The following CALHM4 variants were observed in gnomAD, a reference collection of about 807,000 sequenced individuals.
The protein encoded by CALHM4 is calcium homeostasis modulator family member 4.
A neutral mutation model predicts 13.3 loss-of-function variants in CALHM4; 16 were observed. The ratio of observed to expected loss-of-function variants is 1.20; its 90% CI spans 0.81 to 1.82. The LOEUF (loss-of-function observed/expected upper bound fraction) is 1.82, where lower values mean the gene tolerates loss of function less well. Among genes scored for constraint, CALHM4 ranks in the 40% most tolerant of loss-of-function variants. CALHM4 has a pLI of 0.00. For synonymous variants in CALHM4, 127 were observed against 137.1 expected (o/e 0.93, Z 0.52); for missense variants, 344 against 374.9 (o/e 0.92, Z 0.68).
At position 116,540,541 on chromosome 6, in the gene CALHM4, G is replaced by T. The variant is rs143949942; in HGVS notation, c.-108-3224G>T. On this transcript the variant is annotated intron_variant, in intron 1 of 2. Transcript: ENST00000368597. ...TGTCAGTTTTTAAGAAGCGATTTGT[G>T]TGTTTAGCACTTGTGCAAGTGAATC... The T allele has an allele frequency of 2.2e-3, 3,086 of 1,401,992 alleles. 64 individuals are homozygous for T. The Admixed American group carries it at 0.027, about 12-fold the overall frequency. The allele number at this position is 1,401,992 out of a possible 1,614,324, so 86.8% of individuals were successfully genotyped here.
At chr6:116,549,080 T>A (rs1773935006), upstream of CALHM4, among the ~76,000 whole-genome samples, 2 of 152,148 alleles carry the variant, frequency 1.3e-5, no homozygotes, top group South Asian at 4.2e-4. Flanking sequence ...AGGTCAGGAG[T>A]TCGAGACCAC....
intron 1 of CALHM4, chr6:116,540,217 T>C (rs1773352647): frequency 4.0e-6 from 3 of 752,434 alleles, no homozygotes; most frequent in Admixed American, 2.9e-5. Flanking sequence ...TGTGCTGAAA[T>C]AAAATGCTTT....
intron 1 of CALHM4, 92 bp downstream of exon 1, chr6:116,554,443 C>A (rs1175271407): frequency 2.6e-5 from 29 of 1,098,022 alleles, no homozygotes; most frequent in Non-Finnish European, 3.5e-5. Flanking sequence ...TTCTTATATT[C>A]TCTGATTATA....
At position 116,560,227 on chromosome 6, in the gene CALHM4, C is replaced by A. The variant is rs1000493357; in HGVS notation, c.*2016C>A. Among the ~76,000 whole-genome samples the A allele has an allele frequency of 6.6e-6, 1 of 152,150 alleles. No individual in the cohort carries two copies. Among genetic ancestry groups the A allele is most frequent in the Non-Finnish European group, 1.5e-5 (1 of 68,016 alleles). On this transcript the variant is annotated 3_prime_UTR_variant, in exon 2 of 2. Coordinates refer to ENST00000368596, the MANE Select transcript of CALHM4 (RefSeq NM_001366078.2). ...ATACTAGTTAAATGAACACTTTCAA[C>A]CATGCTCAGAATTAGTTTATTAGTT...
At chr6:116,535,020 A>C (rs925295024) in intron 1 of CALHM4, among the ~76,000 whole-genome samples, 1 of 152,190 alleles carries the variant, frequency 6.6e-6, no homozygotes, top group Non-Finnish European at 1.5e-5. Flanking sequence ...TGAGAGCAAA[A>C]AGCTTCTCAA....
chr6:116,550,696 T>C (rs1774037908), upstream of CALHM4, among the ~76,000 whole-genome samples: 1 of 152,190 alleles, frequency 6.6e-6, no homozygotes, highest in Admixed American at 6.5e-5. Flanking sequence ...TCTTTGTATT[T>C]CCTCTTTTTT....
chr6:116,557,744 G>T, intron 1 of CALHM4, 81 bp from the exon 2 acceptor site: 1 of 1,482,714 alleles, frequency 6.7e-7, no homozygotes. Flanking sequence ...TAGGTTTGTA[G>T]GAATCCCCCC....
rs991842505 is a variant in CALHM4 at position 116,554,261 on chromosome 6, C to T, written c.468C>T (p.Ile156=). The change falls in exon 1 of 2, where the codon ATC becomes ATT. Residue 156 remains isoleucine (I), a synonymous_variant. Transcript: ENST00000368596. ...DNVSASKREE[I]LAGFPCCRSA... ...TCAGTGCCAGCAAACGAGAAGAGATCCTGGCTGGGTTTCCATGTTGCAGAT... is the reference window on the plus strand; with the variant it reads ...TCAGTGCCAGCAAACGAGAAGAGATTCTGGCTGGGTTTCCATGTTGCAGAT... 6.4e-7 allele frequency: 1 copy of T among 1,550,492 alleles called. No individual in the cohort carries two copies.
rs537349440 is a variant in CALHM4, at chr6:116,548,470, A to T, written c.-1+4598A>T. On this transcript the variant is annotated intron_variant, in intron 2 of 2. Transcript: ENST00000368597. ...GCAGATGAAGTGATTAGTTCTTTCA[A>T]CAGTAAGCAATAGTAAAACTTGGGA... Among the ~76,000 whole-genome samples the T allele has an allele frequency of 1.6e-4, 24 of 152,346 alleles. 1 individual carries two copies. In the South Asian group the frequency reaches 5.0e-3, roughly 32 times the overall value.
chr6:116,554,405 C>A, intron 1 of CALHM4, 54 bp downstream of exon 1: 2 of 1,345,866 alleles, frequency 1.5e-6, no homozygotes, highest in South Asian at 3.0e-5. Flanking sequence ...GAACTACAGT[C>A]AATGGAAACA....
exon 1 of CALHM4, chr6:116,529,187 C>A (rs757873774): frequency 6.6e-6 from 1 of 152,130 alleles, no homozygotes; most frequent in Non-Finnish European, 1.5e-5. Context: ...CAGCTCTGTG[C>A]GTGGTAAGGA....
intron 1 of CALHM4, among the ~76,000 whole-genome samples, chr6:116,555,278 G>A (rs1774260561): frequency 6.6e-6 from 1 of 152,066 alleles, no homozygotes; most frequent in South Asian, 2.1e-4. Flanking sequence ...GCTCAGAGGA[G>A]CTATGTAAAA....
At chr6:116,530,406 C>T (rs1772626723) in intron 1 of CALHM4, among the ~76,000 whole-genome samples, 1 of 152,050 alleles carries the variant, frequency 6.6e-6, no homozygotes, top group Non-Finnish European at 1.5e-5. Context: ...CTGAAAAAGA[C>T]TTAGAAAAAA....
chr6:116,534,240 G>C (rs1368983661), intron 1 of CALHM4, among the ~76,000 whole-genome samples: 1 of 152,118 alleles, frequency 6.6e-6, no homozygotes, highest in Non-Finnish European at 1.5e-5. Context: ...CGCCTTCCAA[G>C]CTGTGGGACT....
chr6:116,556,645 T>TC (rs1259007017), intron 1 of CALHM4, among the ~76,000 whole-genome samples: 3 of 152,116 alleles, frequency 2.0e-5, no homozygotes, highest in African/African-American at 4.8e-5. Flanking sequence ...ACTGCTAGCG[T>TC]CCCTAAATAT....
At chr6:116,541,165 C>T (rs1301401871) in intron 1 of CALHM4, among the ~76,000 whole-genome samples, 1 of 151,896 alleles carries the variant, frequency 6.6e-6, no homozygotes, top group Non-Finnish European at 1.5e-5. Context: ...TGATTATACA[C>T]ACACTGAATA....
chr6:116,549,980 T>TTA (rs10544532), upstream of CALHM4, among the ~76,000 whole-genome samples: 84 of 82,010 alleles, frequency 1.0e-3, no homozygotes, highest in Admixed American at 1.1e-3. Context: ...CCATCTTAAA[T>TTA]TATATATATA....
At chr6:116,557,148 G>A (rs1244992824) in intron 1 of CALHM4, among the ~76,000 whole-genome samples, 2 of 151,934 alleles carry the variant, frequency 1.3e-5, no homozygotes, top group Non-Finnish European at 2.9e-5. Context: ...ATGTTGGCCA[G>A]GCTATTCTCA....
intron 1 of CALHM4, among the ~76,000 whole-genome samples, chr6:116,556,510 C>A (rs1325135391): frequency 2.6e-5 from 4 of 152,144 alleles, no homozygotes; most frequent in Non-Finnish European, 5.9e-5. Flanking sequence ...GTAATAAATA[C>A]CACTTTGTAG....
Sources: gnomAD v4.1 joint callset for allele counts (sites outside exome capture counted in the v4.1 genomes callset) on GRCh38, gnomAD v4.1.1 for gene constraint, MANE v1.5 for transcripts, NCBI Gene and HGNC (gene_info 2026-07-23, HGNC 2026-07-21) for gene names.